Variants in FAM161A observed in about 807,000 individuals in gnomAD.
FAM161A encodes the protein protein FAM161A.
In FAM161A, 57 loss-of-function variants were observed where a neutral mutation model predicts 70.9. That is an observed-to-expected ratio of 0.80 (90% CI 0.65 to 1.00). The LOEUF is 1.00. Among genes scored for constraint, FAM161A ranks in the 50% least tolerant of loss-of-function variants. FAM161A has a pLI of 0.00. For missense variants in FAM161A, 880 were observed against 836.0 expected, an observed-to-expected ratio of 1.05 and a Z score of -0.65; for synonymous variants, 299 against 295.7, an observed-to-expected ratio of 1.01 and a Z score of -0.12.
At chr2:61,808,772 C>G in the FAM161A span, among the ~76,000 whole-genome samples, 5 of 152,216 alleles carry the variant, frequency 3.3e-5, no homozygotes, top group East Asian at 5.8e-4. Context: ...TTCTGGGTAA[C>G]ATAAAATGAG....
At chr2:61,843,514 A>C (rs1291944923) in intron 1 of FAM161A, among the ~76,000 whole-genome samples, 1 of 152,176 alleles carries the variant, frequency 6.6e-6, no homozygotes, top group East Asian at 1.9e-4. Flanking sequence ...CTCAGTTGAG[A>C]AACAGTTGAA....
chr2:61,821,763 A>G (rs990002833), downstream of FAM161A, among the ~76,000 whole-genome samples: 6 of 151,158 alleles, frequency 4.0e-5, 1 homozygote, highest in South Asian at 1.3e-3. Context: ...ATTTTATTTT[A>G]TTTTATTTAT....
the FAM161A span, chr2:61,803,225 C>T: frequency 5.9e-5 from 35 of 597,652 alleles, no homozygotes; most frequent in South Asian, 4.6e-4. Flanking sequence ...ATGTATAAGA[C>T]CACACTGGAT....
At chr2:61,838,499 A>G in intron 4 of FAM161A, 39 bp downstream of exon 4, 1 of 1,544,224 alleles carries the variant, frequency 6.5e-7, no homozygotes, top group Non-Finnish European at 8.8e-7. Context: ...AAGAGTTTGA[A>G]AACCAGTGGT....
the FAM161A span, among the ~76,000 whole-genome samples, chr2:61,802,725 T>C: frequency 6.6e-6 from 1 of 152,238 alleles, no homozygotes; most frequent in African/African-American, 2.4e-5. Context: ...TGTGAATTTC[T>C]GCATGTATTC....
chr2:61,843,232 C>T, intron 1 of FAM161A, among the ~76,000 whole-genome samples: 1 of 152,062 alleles, frequency 6.6e-6, no homozygotes, highest in East Asian at 1.9e-4. Context: ...CAACCTCTGC[C>T]TTCTCCTGCC....
chr2:61,830,982 C>T (rs1240926342), intron 5 of FAM161A, among the ~76,000 whole-genome samples: 3 of 151,058 alleles, frequency 2.0e-5, no homozygotes, highest in East Asian at 3.9e-4. Flanking sequence ...CATGGTGGCA[C>T]GCGCCTGTAA....
At chr2:61,819,904 AT>A (rs1672167153), downstream of FAM161A, among the ~76,000 whole-genome samples, 1 of 152,000 alleles carries the variant, frequency 6.6e-6, no homozygotes, top group Non-Finnish European at 1.5e-5. Context: ...CTCATTTATG[AT>A]TTTTTTCTAT....
chr2:61,852,841 C>T (rs542563141), intron 1 of FAM161A, among the ~76,000 whole-genome samples: 1 of 152,106 alleles, frequency 6.6e-6, no homozygotes, highest in East Asian at 1.9e-4. Flanking sequence ...TTCAGTTAGT[C>T]CTCAATCATA....
chr2:61,814,284 T>A, the FAM161A span, among the ~76,000 whole-genome samples: 1 of 152,230 alleles, frequency 6.6e-6, no homozygotes, highest in African/African-American at 2.4e-5. Flanking sequence ...CTCTTTGAAC[T>A]TTTTTGCTTC....
intron 5 of FAM161A, among the ~76,000 whole-genome samples, chr2:61,828,307 C>A (rs1672450411): frequency 6.7e-6 from 1 of 148,784 alleles, no homozygotes; most frequent in African/African-American, 2.5e-5. Context: ...AGATTTCATG[C>A]AATAATTGTT....
Position 61,826,150 on chromosome 2 carries a change from A to T in FAM161A, c.*305T>A. 1.9e-6 allele frequency: 1 copy of T among 523,026 alleles called. No homozygotes were observed. Among genetic ancestry groups the T allele is most frequent in the Non-Finnish European group, 3.7e-6 (1 of 273,426 alleles). The allele number at this position is 523,026 out of a possible 1,614,324, so 32.4% of individuals were successfully genotyped here. ...GCCATTTTTTCCAGTAAAATTAATG[A>T]AATAATGTATATTTTTATAACTAAT... On this transcript the variant is annotated 3_prime_UTR_variant, in exon 7 of 7. Transcript: ENST00000404929.
chr2:61,822,465 A>G (rs1672222327), downstream of FAM161A, among the ~76,000 whole-genome samples: 1 of 152,208 alleles, frequency 6.6e-6, no homozygotes, highest in Non-Finnish European at 1.5e-5. Flanking sequence ...ATTGACAAAA[A>G]CTTCATTTCA....
At position 61,839,778 on chromosome 2, in the gene FAM161A, G is replaced by A. The variant is rs776356504; in HGVS notation, c.1226C>T (p.Pro409Leu). Residue 409 changes from proline (P) to leucine (L), a missense_variant, in exon 3 of 7, where the codon CCC becomes CTC. Coordinates refer to ENST00000404929, the MANE Select transcript of FAM161A (RefSeq NM_001201543.2). ...CTTTACAGCCTGTTCAGGACACCTG[G>A]GGTTCCTGCATCCACAAGCTGACCT... Reference protein sequence around the residue: ...PCRSACGCRNPRCPEQAVKLK... With the variant: ...PCRSACGCRNLRCPEQAVKLK... The A allele has an allele frequency of 5.6e-6, 9 of 1,613,958 alleles. No individual in the cohort carries two copies. The Admixed American group carries it at 1.2e-4, about 21-fold the overall frequency.
the FAM161A span, among the ~76,000 whole-genome samples, chr2:61,804,663 C>T: frequency 4.9e-5 from 7 of 142,198 alleles, no homozygotes; most frequent in Admixed American, 2.2e-4. Flanking sequence ...CCAGCCTGGG[C>T]GAAAGAGTGA....
chr2:61,816,648 C>T, the FAM161A span, among the ~76,000 whole-genome samples: 6 of 151,836 alleles, frequency 4.0e-5, no homozygotes, highest in Middle Eastern at 3.2e-3. Flanking sequence ...TTTGTAGAGA[C>T]GGCGGGGCGG....
intron 6 of FAM161A, among the ~76,000 whole-genome samples, chr2:61,826,860 T>C (rs2105059362): frequency 6.6e-6 from 1 of 152,376 alleles, no homozygotes; most frequent in Admixed American, 6.5e-5. Context: ...ATTATTTTTG[T>C]TACTTATGTC....
intron 1 of FAM161A, among the ~76,000 whole-genome samples, chr2:61,852,040 T>C (rs1673515488): frequency 6.6e-6 from 1 of 152,194 alleles, no homozygotes; most frequent in South Asian, 2.1e-4. Context: ...GCACTCTTCC[T>C]GCCTTCTTAA....
intron 5 of FAM161A, among the ~76,000 whole-genome samples, chr2:61,828,538 G>A (rs981017027): frequency 2.0e-5 from 3 of 152,112 alleles, no homozygotes; most frequent in Non-Finnish European, 4.4e-5. Context: ...ATGTTGTCCA[G>A]GATGGCCTTG....
Sources: allele counts gnomAD v4.1 joint callset (sites outside exome capture counted in the v4.1 genomes callset), GRCh38; gene constraint gnomAD v4.1.1; transcripts MANE v1.5; gene names NCBI Gene and HGNC (gene_info 2026-07-23, HGNC 2026-07-21).